The following SLIT3 variants were observed in gnomAD, a reference collection of about 807,000 sequenced individuals.
SLIT3 encodes the protein slit guidance ligand 3.
In SLIT3, 68 loss-of-function variants were observed where a neutral mutation model predicts 184.0. That is an observed-to-expected ratio of 0.37 (90% CI 0.30 to 0.45). The LOEUF (loss-of-function observed/expected upper bound fraction) is 0.45. Ranked by LOEUF, SLIT3 falls within the 20% of genes least tolerant of loss-of-function variation. The pLI is 1.00. For missense variants in SLIT3, 1,707 were observed against 2,026.0 expected, an observed-to-expected ratio of 0.84 and a Z score of 3.02; for synonymous variants, 831 against 828.6, an observed-to-expected ratio of 1.00 and a Z score of -0.05.
intron 8 of SLIT3, among the ~76,000 whole-genome samples, chr5:168,809,683 T>C (rs10038653): frequency 0.11 from 17,313 of 152,170 alleles, 1,370 homozygotes; most frequent in African/African-American, 0.22. Context: ...TGGTGTACTC[T>C]CAGTGCCTAA....
At chr5:168,893,697 A>T (rs961910407) in intron 4 of SLIT3, among the ~76,000 whole-genome samples, 4 of 152,188 alleles carry the variant, frequency 2.6e-5, no homozygotes, top group Non-Finnish European at 5.9e-5. Flanking sequence ...TTTTGCAATT[A>T]GGAGATGAAA....
rs67955225 is a variant in SLIT3 at position 169,240,579 on chromosome 5, C to CTT, written c.341+4124_341+4125dup. Among the ~76,000 whole-genome samples, 450 of 114,288 alleles carry CTT rather than the reference C, an allele frequency of 3.9e-3. 3 individuals are homozygous for CTT. Among genetic ancestry groups the CTT allele is most frequent in the African/African-American group, 0.014 (410 of 29,572 alleles). 75.0% of individuals were successfully genotyped at this position (114,288 alleles called of 152,430 possible). ...GTTAGTGTTTTCATGCTATCATTTT[C>CTT]TTTTTTTTTTTTTTTTTTTTACTTT... On this transcript the variant is annotated intron_variant, in intron 3 of 35. Coordinates refer to ENST00000519560, the MANE Select transcript of SLIT3 (RefSeq NM_003062.4).
intron 4 of SLIT3, among the ~76,000 whole-genome samples, chr5:168,907,388 T>C (rs971638540): frequency 6.6e-6 from 1 of 152,206 alleles, no homozygotes; most frequent in African/African-American, 2.4e-5. Flanking sequence ...TGGTTGCAAA[T>C]GTACCTAGAT....
chr5:169,245,657 G>A (rs900361551), intron 2 of SLIT3, among the ~76,000 whole-genome samples: 3 of 152,174 alleles, frequency 2.0e-5, no homozygotes, highest in Admixed American at 6.5e-5. Flanking sequence ...AGTTTCGGAA[G>A]GGCTATGGAT....
chr5:168,769,396 A>G (rs1191644692), intron 14 of SLIT3, among the ~76,000 whole-genome samples: 2 of 152,178 alleles, frequency 1.3e-5, no homozygotes, highest in South Asian at 4.1e-4. Context: ...AACCAGTATC[A>G]ACATTCTTCC....
At chr5:168,731,211 C>T (rs958017844) in intron 20 of SLIT3, among the ~76,000 whole-genome samples, 6 of 151,940 alleles carry the variant, frequency 3.9e-5, no homozygotes, top group African/African-American at 7.2e-5. Flanking sequence ...CGGAAGCATG[C>T]AACCTCCTGA....
intron 1 of SLIT3, among the ~76,000 whole-genome samples, chr5:169,299,255 C>G (rs1767604941): frequency 6.6e-6 from 1 of 152,104 alleles, no homozygotes; most frequent in Non-Finnish European, 1.5e-5. Flanking sequence ...AAAAAGAGAG[C>G]ACCAGGAATA....
chr5:168,765,715 G>A (rs1007319162), intron 14 of SLIT3, among the ~76,000 whole-genome samples: 30 of 152,186 alleles, frequency 2.0e-4, no homozygotes, highest in African/African-American at 6.8e-4. Context: ...ATAGGCTGTT[G>A]CTTCTTCTCT....
intron 26 of SLIT3, among the ~76,000 whole-genome samples, chr5:168,705,767 A>G (rs1396329201): frequency 6.6e-6 from 1 of 152,228 alleles, no homozygotes; most frequent in Non-Finnish European, 1.5e-5. Flanking sequence ...TTCATAGTAC[A>G]GTCAAGTGTA....
chr5:168,815,705 G>A (rs1281785014), intron 8 of SLIT3, among the ~76,000 whole-genome samples: 1 of 152,228 alleles, frequency 6.6e-6, no homozygotes, highest in East Asian at 1.9e-4. Flanking sequence ...ACAGGAGGAA[G>A]CGGCAGAGAA....
At chr5:168,883,420 C>A (rs576321854) in intron 4 of SLIT3, 84 bp from the exon 5 acceptor site, 88 of 1,074,334 alleles carry the variant, frequency 8.2e-5, no homozygotes, top group East Asian at 7.5e-4. Context: ...CAATCCCCCC[C>A]ACCCAGGCTG....
chr5:168,967,819 C>T (rs1763265570), intron 4 of SLIT3, among the ~76,000 whole-genome samples: 1 of 152,126 alleles, frequency 6.6e-6, no homozygotes, highest in South Asian at 2.1e-4. Flanking sequence ...TGTGGTCAGC[C>T]TTCATCTGCA....
chr5:169,197,724 G>A (rs968164171), intron 3 of SLIT3, among the ~76,000 whole-genome samples: 1 of 152,158 alleles, frequency 6.6e-6, no homozygotes, highest in African/African-American at 2.4e-5. Flanking sequence ...CCAGGGCAAT[G>A]ACAGGATAAG....
At chr5:169,283,942 C>G (rs1240268595) in intron 1 of SLIT3, among the ~76,000 whole-genome samples, 4 of 152,114 alleles carry the variant, frequency 2.6e-5, no homozygotes, top group African/African-American at 9.7e-5. Context: ...AGGAGAAGCT[C>G]GTAGTCAATG....
intron 4 of SLIT3, among the ~76,000 whole-genome samples, chr5:169,041,295 T>G (rs138008001): frequency 3.9e-5 from 6 of 152,316 alleles, no homozygotes; most frequent in African/African-American, 1.4e-4. Flanking sequence ...GGGATAAAGA[T>G]GTGAATGAGA....
At chr5:168,823,216 G>A (rs1352804067) in intron 7 of SLIT3, 44 bp downstream of exon 7, 1 of 1,476,610 alleles carries the variant, frequency 6.8e-7, no homozygotes, top group Non-Finnish European at 9.5e-7. Context: ...CTTTGGGCGT[G>A]AGGTAGGGAG....
Position 168,944,527 on chromosome 5 carries a change from T to G in SLIT3, c.414-61191A>C, listed in dbSNP as rs1223045065. ...TCCCTTCTCATTTTTCAATTTACCT[T>G]TCCCCCACCGAAGCATGCCATACTT... On this transcript the variant is annotated intron_variant, in intron 4 of 35. Transcript: ENST00000519560. Among the ~76,000 whole-genome samples, 3 of 152,174 alleles carry G rather than the reference T, an allele frequency of 2.0e-5. No homozygotes were observed. In the East Asian group the frequency reaches 5.8e-4, roughly 29 times the overall value.
intron 4 of SLIT3, among the ~76,000 whole-genome samples, chr5:169,077,753 C>T (rs1030475222): frequency 8.7e-5 from 13 of 150,116 alleles, no homozygotes; most frequent in African/African-American, 2.5e-4. Context: ...CAAAATGTCA[C>T]GGAGAGATGG....
intron 3 of SLIT3, among the ~76,000 whole-genome samples, chr5:169,208,836 T>C (rs1764160513): frequency 6.6e-6 from 1 of 152,118 alleles, no homozygotes; most frequent in Non-Finnish European, 1.5e-5. Flanking sequence ...GTGTTAGCCC[T>C]AAAACCATAA....
Sources: gnomAD v4.1 joint callset for allele counts (sites outside exome capture counted in the v4.1 genomes callset) on GRCh38, gnomAD v4.1.1 for gene constraint, MANE v1.5 for transcripts, NCBI Gene and HGNC (gene_info 2026-07-23, HGNC 2026-07-21) for gene names.